The following CHUK variants were observed in gnomAD, a reference collection of about 807,000 sequenced individuals.
CHUK encodes inhibitor of nuclear factor kappa-B kinase subunit alpha.
Under a neutral mutation model 104.8 loss-of-function variants are expected in CHUK, and 35 were observed. That is an observed-to-expected ratio of 0.33 (90% CI 0.26 to 0.44). CHUK has a LOEUF of 0.44. CHUK is among the 20% of genes least tolerant of loss of function. CHUK has a pLI of 1.00. For synonymous variants in CHUK, 276 were observed against 291.9 expected (o/e 0.95, Z 0.56); for missense variants, 663 against 902.7 (o/e 0.73, Z 3.40).
chr10:100,221,989 T>A (rs1393385937), intron 4 of CHUK, 123 bp downstream of exon 4: 1 of 632,088 alleles, frequency 1.6e-6, no homozygotes, highest in Non-Finnish European at 2.8e-6. Context: ...TATAACTTCT[T>A]ATAGATGTTG....
chr10:100,206,475 TA>T (rs891235755), intron 11 of CHUK, among the ~76,000 whole-genome samples: 30 of 142,458 alleles, frequency 2.1e-4, no homozygotes, highest in Admixed American at 3.5e-4. Flanking sequence ...AAACCATTCT[TA>T]AAAAAAAAAA....
chr10:100,189,470 T>C lies in CHUK; in HGVS notation c.*128A>G. ...TGTTCTTCTGATCATAGTAGAAATG[T>C]AGTTTCTGTTCATAGCCATTTCTTC... On this transcript the variant is annotated 3_prime_UTR_variant, in exon 21 of 21. Transcript: ENST00000370397. 1.0e-5 allele frequency: 8 copies of C among 768,870 alleles called. No individual in the cohort carries two copies. The highest frequency in any genetic ancestry group is 2.5e-5 in the East Asian group (1 of 40,338). The allele number at this position is 768,870 out of a possible 1,614,324, so 47.6% of individuals were successfully genotyped here.
At chr10:100,216,319 C>T (rs1845854168) in intron 9 of CHUK, among the ~76,000 whole-genome samples, 1 of 152,170 alleles carries the variant, frequency 6.6e-6, no homozygotes, top group African/African-American at 2.4e-5. Context: ...TTCTTTGGCA[C>T]ATTAGAAGGA....
At chr10:100,224,081 C>T (rs1016144314) in intron 2 of CHUK, among the ~76,000 whole-genome samples, 4 of 133,508 alleles carry the variant, frequency 3.0e-5, no homozygotes, top group Non-Finnish European at 6.5e-5. Context: ...CTTGCTCGCT[C>T]GTTCACTCTC....
chr10:100,216,647 T>G (rs1445233941), intron 9 of CHUK, among the ~76,000 whole-genome samples: 1 of 152,226 alleles, frequency 6.6e-6, no homozygotes, highest in Non-Finnish European at 1.5e-5. Flanking sequence ...CAGACTAAAG[T>G]GAGCTATCTC....
chr10:100,209,432 T>C (rs2134229010), intron 10 of CHUK, among the ~76,000 whole-genome samples, 163 bp downstream of exon 10: 2 of 152,322 alleles, frequency 1.3e-5, no homozygotes, highest in Middle Eastern at 6.8e-3. Context: ...GTTTCATTTC[T>C]ATCCTGTTCA....
chr10:100,210,418 T>C (rs1011479402), intron 9 of CHUK, among the ~76,000 whole-genome samples: 4 of 152,166 alleles, frequency 2.6e-5, no homozygotes, highest in Non-Finnish European at 5.9e-5. Context: ...AACATTATCA[T>C]AGACCGAAAA....
intron 2 of CHUK, among the ~76,000 whole-genome samples, chr10:100,225,275 G>A (rs1000595564): frequency 6.6e-6 from 1 of 152,114 alleles, no homozygotes; most frequent in Admixed American, 6.5e-5. Flanking sequence ...TTCACCCTCT[G>A]GCAAACACCA....
intron 9 of CHUK, 35 bp from the exon 10 acceptor site, chr10:100,209,824 T>C (rs1243433052): frequency 2.6e-5 from 25 of 963,842 alleles, no homozygotes; most frequent in Non-Finnish European, 4.0e-5. Context: ...AAGTTATTGA[T>C]TATTTGTTAC....
intron 14 of CHUK, among the ~76,000 whole-genome samples, chr10:100,201,004 T>G (rs1352341983): frequency 6.6e-6 from 1 of 152,192 alleles, no homozygotes; most frequent in African/African-American, 2.4e-5. Flanking sequence ...TTTTCTCTCC[T>G]GACAACAGTA....
At chr10:100,205,253 T>C in intron 11 of CHUK, 54 bp from the exon 12 acceptor site, 1 of 1,572,076 alleles carries the variant, frequency 6.4e-7, no homozygotes, top group Non-Finnish European at 8.8e-7. Context: ...CTTTTGAGGA[T>C]TTTAGAGTTG....
At chr10:100,186,368 C>T (rs1050817908), downstream of CHUK, 4 of 249,410 alleles carry the variant, frequency 1.6e-5, no homozygotes, top group African/African-American at 8.9e-5. Context: ...TGCGGAGCCC[C>T]ACTGTGTGGC....
At position 100,218,044 on chromosome 10, in the gene CHUK, A is replaced by G. The variant is rs1223790692; in HGVS notation, c.884T>C (p.Leu295Ser). Reference protein sequence around the residue: ...QQRGGPVDLTLKQPRCFVLMD... With the variant: ...QQRGGPVDLTSKQPRCFVLMD... Reference sequence around the variant, plus strand: ...TAATACAAAACATCTTGGCTGCTTCAAAGTAAGGTCAACAGGTCCTCCTCT... The same window carrying G: ...TAATACAAAACATCTTGGCTGCTTCGAAGTAAGGTCAACAGGTCCTCCTCT... Residue 295 changes from leucine (L) to serine (S), a missense_variant, in exon 9 of 21, where the codon TTG becomes TCG. Physicochemically the swap from Leu to Ser is moderately radical, Grantham distance 145. Coordinates refer to ENST00000370397, the MANE Select transcript of CHUK (RefSeq NM_001278.5). The G allele has an allele frequency of 1.2e-6, 2 of 1,614,082 alleles. No individual in the cohort carries two copies. The highest frequency in any genetic ancestry group is 2.2e-5 in the East Asian group (1 of 44,872).
At chr10:100,229,392 C>A (rs1846183697) in intron 1 of CHUK, 36 bp downstream of exon 1, 3 of 1,492,516 alleles carry the variant, frequency 2.0e-6, no homozygotes, top group South Asian at 1.1e-5. Context: ...ACCGCCGCTC[C>A]AACCCACCGC....
At position 100,205,090 on chromosome 10, in the gene CHUK, T is replaced by C. The variant is rs34458357; in HGVS notation, c.1341A>G (p.Gly447=). 4.1e-3 allele frequency: 6,576 copies of C among 1,614,132 alleles called. 24 individuals are homozygous for C. The highest frequency in any genetic ancestry group is 4.8e-3 in the Non-Finnish European group (5,685 of 1,179,988). ...AATCCACTTACATTGCTGCCCTTTG[T>C]CCCTGAAAGAGCCTGCTATAGTCTT... ...LKEDYSRLFQ[G]QRAAMLSLLR... is the part of the protein sequence containing the mutation. The change falls in exon 12 of 21, where the codon GGA becomes GGG. Residue 447 remains glycine, a synonymous_variant. Coordinates refer to ENST00000370397, the MANE Select transcript of CHUK (RefSeq NM_001278.5).
At chr10:100,210,091 A>ATTTATTTATTTATTTTTTTT (rs58570772) in intron 9 of CHUK, among the ~76,000 whole-genome samples, 2 of 121,800 alleles carry the variant, frequency 1.6e-5, no homozygotes, top group African/African-American at 6.0e-5. Context: ...TTATTTATTT[A>ATTTATTTATTTATTTTTTTT]TTTTTTTTTT....
chr10:100,229,384 C>T, intron 1 of CHUK, 44 bp downstream of exon 1: 1 of 1,428,920 alleles, frequency 7.0e-7, no homozygotes, highest in East Asian at 2.3e-5. Context: ...TCAAACCCAC[C>T]GCCGCTCCAA....
chr10:100,200,140 A>G, intron 15 of CHUK, 120 bp from the exon 16 acceptor site: 1 of 805,958 alleles, frequency 1.2e-6, no homozygotes, highest in Non-Finnish European at 2.2e-6. Flanking sequence ...TCATATTGCC[A>G]ACAAGTATTT....
intron 8 of CHUK, 113 bp from the exon 9 acceptor site, chr10:100,218,243 C>G (rs910453569): frequency 2.2e-6 from 2 of 908,316 alleles, no homozygotes; most frequent in African/African-American, 3.4e-5. Flanking sequence ...CATCACTTGT[C>G]TGTACCATTT....
Sources: gnomAD v4.1 joint callset for allele counts (sites outside exome capture counted in the v4.1 genomes callset) on GRCh38, gnomAD v4.1.1 for gene constraint, MANE v1.5 for transcripts, NCBI Gene and HGNC (gene_info 2026-07-23, HGNC 2026-07-21) for gene names.